Variants in CRMP1 observed in about 807,000 individuals in gnomAD.
CRMP1 encodes collapsin response mediator protein 1, also known as dihydropyrimidinase-related protein 1.
A neutral mutation model predicts 68.3 loss-of-function variants in CRMP1; 19 were observed. The observed-to-expected ratio is 0.28, with a 90% CI of 0.19 to 0.41. The LOEUF (loss-of-function observed/expected upper bound fraction) is 0.41, where lower values mean the gene tolerates loss of function less well. CRMP1 is among the 10% of genes least tolerant of loss of function. CRMP1 has a pLI of 1.00. For missense variants in CRMP1, 791 were observed against 967.4 expected (o/e 0.82, Z 2.42); for synonymous variants, 439 against 399.6 (o/e 1.10, Z -1.18).
In CRMP1 at chr4:5,861,255, T is replaced by A. The variant is rs772900924; in HGVS notation, c.471-45A>T. 6 of 1,578,382 alleles carry A rather than the reference T, an allele frequency of 3.8e-6. No homozygotes were observed. Among genetic ancestry groups the A allele is most frequent in the Non-Finnish European group, 5.2e-6 (6 of 1,157,786 alleles). On this transcript the variant is annotated intron_variant, in intron 2 of 13. Transcript: ENST00000324989. This position sits in a 1 kb window ranked among gnomAD's most constrained non-coding sequence, Gnocchi z 6.0. Reference sequence around the variant, plus strand: ...ACAGCCTTGGTTCTTAAAGGAAAAGTAGAATGGGCAGTCAACCCGCAGCTT... The same window carrying A: ...ACAGCCTTGGTTCTTAAAGGAAAAGAAGAATGGGCAGTCAACCCGCAGCTT...
At chr4:5,857,533 T>C (rs942965338) in intron 3 of CRMP1, among the ~76,000 whole-genome samples, 3 of 152,220 alleles carry the variant, frequency 2.0e-5, no homozygotes, top group Non-Finnish European at 4.4e-5. Context: ...ATCATAACTA[T>C]TTATGGAATG....
chr4:5,858,972 C>A lies in CRMP1; in HGVS notation c.655+2054G>T, dbSNP rs1239057044. On this transcript the variant is annotated intron_variant, in intron 3 of 13. Transcript: ENST00000324989. The surrounding 1 kb of genome is among the most constrained non-coding windows in gnomAD (Gnocchi z 5.5). ...TCCCGGTTAATTCCAACTCATCCTT[C>A]AGATCCCTGTACGAATGTCACTTCT... Among the ~76,000 whole-genome samples the A allele has an allele frequency of 2.6e-5, 4 of 152,226 alleles. No individual in the cohort carries two copies. The highest frequency in any genetic ancestry group is 7.2e-5 in the African/African-American group (3 of 41,452).
intron 5 of CRMP1, 146 bp from the exon 6 acceptor site, chr4:5,849,618 C>A (rs1034714775): frequency 2.2e-5 from 13 of 595,334 alleles, no homozygotes; most frequent in African/African-American, 2.0e-4. Flanking sequence ...ATGGAATACG[C>A]TGCTACACAA....
chr4:5,889,577 C>A lies in CRMP1; in HGVS notation c.381+3012G>T, dbSNP rs1715845212. The A allele has an allele frequency of 1.3e-6, 2 of 1,535,898 alleles. No homozygotes were observed. ...AAGGGGGAGCCCCAGCAAGCCCCAA[C>A]CTCACTGGACAGGTGCCCCAAGTTC... is the stretch of plus-strand genomic sequence containing the variant. On this transcript the variant is annotated intron_variant, in intron 1 of 13. Coordinates refer to ENST00000324989, the MANE Select transcript of CRMP1 (RefSeq NM_001014809.3). This position sits in a 1 kb window ranked among gnomAD's most constrained non-coding sequence, Gnocchi z 4.5.
chr4:5,859,076 T>G lies in CRMP1; in HGVS notation c.655+1950A>C, dbSNP rs985433589. Among the ~76,000 whole-genome samples the G allele has an allele frequency of 9.9e-5, 15 of 152,200 alleles. No individual in the cohort carries two copies. Among genetic ancestry groups the G allele is most frequent in the African/African-American group, 3.6e-4 (15 of 41,450 alleles). ...TTCTTTTGTAGCAGGAGTCACAGTTTCTAGTCATACATGTGGACGATTAGT... is the reference window on the plus strand; with the variant it reads ...TTCTTTTGTAGCAGGAGTCACAGTTGCTAGTCATACATGTGGACGATTAGT... On this transcript the variant is annotated intron_variant, in intron 3 of 13. Coordinates refer to ENST00000324989, the MANE Select transcript of CRMP1 (RefSeq NM_001014809.3). The surrounding 1 kb of genome is among the most constrained non-coding windows in gnomAD (Gnocchi z 5.2).
Position 5,821,891 on chromosome 4 carries a change from AGCATCAGTTCCAC to A in CRMP1, c.1970-53_1970-41del. 1 of 1,470,716 alleles carries A rather than the reference AGCATCAGTTCCAC, an allele frequency of 6.8e-7. No individual in the cohort carries two copies. The highest frequency in any genetic ancestry group is 1.2e-5 in the South Asian group (1 of 82,144). 91.1% of individuals were successfully genotyped at this position (1,470,716 alleles called of 1,614,324 possible). A position where few individuals can be genotyped will look rare whatever the true frequency, so the allele number is the denominator to read the frequency against. On this transcript the variant is annotated intron_variant, in intron 13 of 13. Transcript: ENST00000324989. The surrounding 1 kb of genome is among the most constrained non-coding windows in gnomAD (Gnocchi z 4.4). Reference sequence around the variant, plus strand: ...CAATCGCTGCTGGATGGGATCTGTTAGCATCAGTTCCACGCTGCTCCTGGAGGCCATGTACTCT... The same window carrying A: ...CAATCGCTGCTGGATGGGATCTGTTAGCTGCTCCTGGAGGCCATGTACTCT...
chr4:5,840,089 A>C (rs1229985582), intron 8 of CRMP1, among the ~76,000 whole-genome samples: 6 of 152,208 alleles, frequency 3.9e-5, no homozygotes, highest in Admixed American at 3.9e-4. Flanking sequence ...TGATTCCAGG[A>C]AACACTGGCT....
rs1218681326 is a variant in CRMP1, at chr4:5,842,942, G to C, written c.1032+151C>G. On this transcript the variant is annotated intron_variant, in intron 7 of 13. Transcript: ENST00000324989. This position sits in a 1 kb window ranked among gnomAD's most constrained non-coding sequence, Gnocchi z 4.5. Reference sequence around the variant, plus strand: ...GTCTTCTCCAGCCAGCAGTCCCCAGGGTTCCCGGGGAAAACAAGATGGTTT... The same window carrying C: ...GTCTTCTCCAGCCAGCAGTCCCCAGCGTTCCCGGGGAAAACAAGATGGTTT... The C allele has an allele frequency of 1.4e-6, 1 of 739,124 alleles. No homozygotes were observed. Among genetic ancestry groups the C allele is most frequent in the Non-Finnish European group, 2.3e-6 (1 of 431,784 alleles). 45.8% of individuals were successfully genotyped at this position (739,124 alleles called of 1,614,324 possible).
Position 5,854,707 on chromosome 4 carries a change from C to T in CRMP1, c.820+1436G>A, listed in dbSNP as rs892134237. 6.6e-6 allele frequency among the ~76,000 whole-genome samples: 1 copy of T among 152,124 alleles called. No individual in the cohort carries two copies. Among genetic ancestry groups the T allele is most frequent in the African/African-American group, 2.4e-5 (1 of 41,410 alleles). ...AAACCACAATGGTGGTGTCTTTCAC[C>T]CATCGAATCGGCAAGGATTTCATAG... On this transcript the variant is annotated intron_variant, in intron 4 of 13. Transcript: ENST00000324989. The surrounding 1 kb of genome is among the most constrained non-coding windows in gnomAD (Gnocchi z 4.0).
At chr4:5,887,965 GT>G (rs963749112) in intron 1 of CRMP1, among the ~76,000 whole-genome samples, 1 of 152,134 alleles carries the variant, frequency 6.6e-6, no homozygotes, top group African/African-American at 2.4e-5. Flanking sequence ...GGCACATCCC[GT>G]GGGGGGAGGG....
At chr4:5,851,294 G>A in intron 5 of CRMP1, 114 bp downstream of exon 5, 1 of 922,890 alleles carries the variant, frequency 1.1e-6, no homozygotes. Context: ...GCCAGAACCA[G>A]GACTCGAATC....
At chr4:5,848,941 T>G (rs1264366474) in intron 6 of CRMP1, among the ~76,000 whole-genome samples, 1 of 152,242 alleles carries the variant, frequency 6.6e-6, no homozygotes, top group African/African-American at 2.4e-5. Context: ...TACTAGCTTG[T>G]GCATTAAGTT....
chr4:5,829,837 G>A (rs935572715), intron 11 of CRMP1, among the ~76,000 whole-genome samples: 2 of 152,186 alleles, frequency 1.3e-5, no homozygotes, highest in Admixed American at 1.3e-4. Flanking sequence ...AAAAACTGCT[G>A]AAACAGACTT....
intron 2 of CRMP1, among the ~76,000 whole-genome samples, chr4:5,862,424 C>A (rs1713645317): frequency 6.6e-6 from 1 of 152,202 alleles, no homozygotes; most frequent in Non-Finnish European, 1.5e-5. Flanking sequence ...TTAGGGAAAT[C>A]CTTTCTTCCC....
rs1716010363 is a variant in CRMP1, at chr4:5,892,740, C to T, written c.230G>A (p.Gly77Glu). Residue 77 changes from glycine to glutamate, a missense_variant, in exon 1 of 14, where the codon GGG (glycine) becomes GAG (glutamate). This residue lies in a region of CRMP1 where 193 missense variants were observed against 186.3 expected (regional missense o/e 1.04). Coordinates refer to ENST00000324989, the MANE Select transcript of CRMP1 (RefSeq NM_001014809.3). The surrounding 1 kb of genome is among the most constrained non-coding windows in gnomAD (Gnocchi z 8.6). ...GGCCGTGTCCTCGCTGCCTCCCGGCCCTGGCAGCCCGACCGCGTCGGGCCG... is the reference window on the plus strand; with the variant it reads ...GGCCGTGTCCTCGCTGCCTCCCGGCTCTGGCAGCCCGACCGCGTCGGGCCG... ...AGRPDAVGLP[G>E]PGGSEDTASD... 3 of 1,225,564 alleles carry T rather than the reference C, an allele frequency of 2.4e-6. No homozygotes were observed. The highest frequency in any genetic ancestry group is 7.1e-5 in the South Asian group (2 of 28,088). The allele number at this position is 1,225,564 out of a possible 1,614,324, so 75.9% of individuals were successfully genotyped here. A position where few individuals can be genotyped will look rare whatever the true frequency, so the allele number is the denominator to read the frequency against.
intron 1 of CRMP1, among the ~76,000 whole-genome samples, chr4:5,868,265 A>ATC (rs199821470): frequency 0.082 from 1,048 of 12,768 alleles, 12 homozygotes; most frequent in African/African-American, 0.17. Flanking sequence ...ATATATCTAT[A>ATC]TATATATATA....
rs543182501 is a variant in CRMP1 at position 5,861,910 on chromosome 4, CA to C, written c.471-701del. 1.3e-3 allele frequency among the ~76,000 whole-genome samples: 197 copies of C among 152,236 alleles called. No individual in the cohort carries two copies. The highest frequency in any genetic ancestry group is 4.5e-3 in the African/African-American group (188 of 41,538). ...GGCAGCATATTAATTTTCTAAGTCA[CA>C]AAAAACCCTAGTAATAAAGACACAG... On this transcript the variant is annotated intron_variant, in intron 2 of 13. Coordinates refer to ENST00000324989, the MANE Select transcript of CRMP1 (RefSeq NM_001014809.3). The surrounding 1 kb of genome is among the most constrained non-coding windows in gnomAD (Gnocchi z 6.0).
intron 2 of CRMP1, among the ~76,000 whole-genome samples, chr4:5,863,372 G>A (rs529519572): frequency 6.6e-6 from 1 of 152,160 alleles, no homozygotes; most frequent in Non-Finnish European, 1.5e-5. Context: ...CACACAGCAA[G>A]TCAGTGATGG....
chr4:5,849,243 T>C (rs931639252), intron 6 of CRMP1, 149 bp downstream of exon 6: 2 of 614,012 alleles, frequency 3.3e-6, no homozygotes, highest in African/African-American at 1.9e-5. Flanking sequence ...AGCATTTTCA[T>C]TCATATCTGA....
Sources: gnomAD v4.1 joint callset for allele counts (sites outside exome capture counted in the v4.1 genomes callset) on GRCh38, gnomAD v4.1.1 for gene constraint, gnomAD v4.1.1 regional missense constraint, Gnocchi (gnomAD v3.1) non-coding constraint, MANE v1.5 for transcripts, NCBI Gene and HGNC (gene_info 2026-07-23, HGNC 2026-07-21) for gene names.